WASL: variants seen among roughly 807,000 people sequenced by gnomAD.
WASL encodes actin nucleation-promoting factor WASL.
Under a neutral mutation model 55.5 loss-of-function variants are expected in WASL, and 20 were observed. That is an observed-to-expected ratio of 0.36 (90% CI 0.25 to 0.52). WASL has a LOEUF of 0.52. Among genes scored for constraint, WASL ranks in the 20% least tolerant of loss-of-function variants. WASL has a pLI of 0.92. For synonymous variants in WASL, 249 were observed against 217.6 expected, an observed-to-expected ratio of 1.14 and a Z score of -1.27; for missense variants, 504 against 622.5, an observed-to-expected ratio of 0.81 and a Z score of 2.03.
chr7:123,717,705 G>GT (rs2116800142), intron 1 of WASL, among the ~76,000 whole-genome samples: 1 of 152,312 alleles, frequency 6.6e-6, no homozygotes, highest in South Asian at 2.1e-4. Flanking sequence ...TACATTACTA[G>GT]TAACTGGTTT....
At chr7:123,732,207 G>A (rs887667420) in intron 1 of WASL, among the ~76,000 whole-genome samples, 6 of 152,122 alleles carry the variant, frequency 3.9e-5, no homozygotes, top group Non-Finnish European at 8.8e-5. Flanking sequence ...GCGGACGCCT[G>A]TAGTCCCGGC....
intron 1 of WASL, among the ~76,000 whole-genome samples, chr7:123,723,200 C>T (rs192582186): frequency 1.1e-3 from 164 of 152,266 alleles, no homozygotes; most frequent in African/African-American, 3.8e-3. Flanking sequence ...ATCATTGCAA[C>T]ATTTCTAATC....
At chr7:123,708,733 A>G (rs1376646343) in intron 2 of WASL, among the ~76,000 whole-genome samples, 1 of 152,104 alleles carries the variant, frequency 6.6e-6, no homozygotes, top group African/African-American at 2.4e-5. Flanking sequence ...TTACCTGAAC[A>G]GACTATCTAC....
At chr7:123,700,917 A>T (rs978246611) in intron 5 of WASL, among the ~76,000 whole-genome samples, 2 of 152,240 alleles carry the variant, frequency 1.3e-5, no homozygotes, top group African/African-American at 4.8e-5. Context: ...TTTAGAAAAA[A>T]ATGGATTTCT....
chr7:123,721,645 G>C (rs1368243931), intron 1 of WASL, among the ~76,000 whole-genome samples: 125 of 152,170 alleles, frequency 8.2e-4, no homozygotes, highest in Non-Finnish European at 4.4e-5. Context: ...GAGACTTAAG[G>C]CTGGGTGTGG....
intron 5 of WASL, among the ~76,000 whole-genome samples, chr7:123,701,875 T>C (rs1321619204): frequency 6.6e-6 from 1 of 151,902 alleles, no homozygotes; most frequent in Non-Finnish European, 1.5e-5. Flanking sequence ...TTCCATATTA[T>C]ATGTATATTT....
At chr7:123,707,295 T>TCAAAC (rs1803686590) in intron 2 of WASL, among the ~76,000 whole-genome samples, 1 of 152,048 alleles carries the variant, frequency 6.6e-6, no homozygotes, top group South Asian at 2.1e-4. Context: ...TGTGGGAGGG[T>TCAAAC]CAAATATACC....
At chr7:123,706,421 A>T in intron 3 of WASL, 48 bp from the exon 4 acceptor site, 1 of 1,520,580 alleles carries the variant, frequency 6.6e-7, no homozygotes, top group Non-Finnish European at 9.0e-7. Context: ...GTATGAATTT[A>T]GCTTTATATC....
chr7:123,704,820 A>G (rs1293419882), intron 4 of WASL, among the ~76,000 whole-genome samples, 163 bp from the exon 5 acceptor site: 1 of 152,170 alleles, frequency 6.6e-6, no homozygotes, highest in Non-Finnish European at 1.5e-5. Context: ...AAATAAAATA[A>G]GTAAGGGAAC....
At chr7:123,698,741 T>C (rs1224869804) in intron 5 of WASL, among the ~76,000 whole-genome samples, 2 of 152,104 alleles carry the variant, frequency 1.3e-5, no homozygotes. Context: ...TAAGTAAAGG[T>C]GAGTTAAGCA....
intron 1 of WASL, among the ~76,000 whole-genome samples, chr7:123,732,957 G>A (rs767830001): frequency 1.3e-5 from 2 of 151,962 alleles, no homozygotes; most frequent in Non-Finnish European, 2.9e-5. Context: ...AACAGATACA[G>A]TAAAAGCATA....
At chr7:123,701,683 G>GTCCAGGGGCCCA (rs1803592661) in intron 5 of WASL, among the ~76,000 whole-genome samples, 1 of 152,192 alleles carries the variant, frequency 6.6e-6, no homozygotes, top group Non-Finnish European at 1.5e-5. Context: ...GGAGGACATG[G>GTCCAGGGGCCCA]TCCAGGGGCC....
rs940508607 is a variant in WASL, at chr7:123,704,649, G to A, written c.445C>T (p.Arg149Ter). The A allele has an allele frequency of 6.7e-7, 1 of 1,493,050 alleles. No homozygotes were observed. The allele number at this position is 1,493,050 out of a possible 1,614,324, so 92.5% of individuals were successfully genotyped here. The change falls in exon 5 of 11, where the codon CGA becomes TGA. Residue 149 changes from arginine (R) to a stop codon, truncating the protein, a stop_gained. Transcript: ENST00000223023. LOFTEE classifies it high-confidence loss of function. Reference protein sequence around the residue: ...GRRQRKSEKRRDPPNGPNLPM... With the variant: ...GRRQRKSEKR Reference sequence around the variant, plus strand: ...AAAAGCTTACCATTTGGGGGATCTCGTCTTTTCTCTGTTAGAAAATAAATT... The same window carrying A: ...AAAAGCTTACCATTTGGGGGATCTCATCTTTTCTCTGTTAGAAAATAAATT...
At chr7:123,733,632 T>C (rs1236604483) in intron 1 of WASL, among the ~76,000 whole-genome samples, 5 of 151,972 alleles carry the variant, frequency 3.3e-5, no homozygotes, top group Middle Eastern at 3.4e-3. Context: ...CGGAAAGATA[T>C]GGAAAGGAAA....
intron 10 of WASL, among the ~76,000 whole-genome samples, chr7:123,685,990 G>T (rs10215466): frequency 0.46 from 68,280 of 149,498 alleles, 15,845 homozygotes; most frequent in South Asian, 0.66. Context: ...AGTAAGACTA[G>T]GTGACATACG....
chr7:123,731,911 T>C (rs545695930), intron 1 of WASL, among the ~76,000 whole-genome samples: 2 of 152,060 alleles, frequency 1.3e-5, no homozygotes, highest in African/African-American at 2.4e-5. Context: ...AAAAGAATTA[T>C]AGCAGAAATC....
intron 1 of WASL, among the ~76,000 whole-genome samples, chr7:123,718,607 C>G (rs1803887187): frequency 6.6e-6 from 1 of 152,082 alleles, no homozygotes; most frequent in African/African-American, 2.4e-5. Context: ...GTGGTCTAGG[C>G]TGGTCTCCAA....
At chr7:123,725,123 T>A (rs368607892) in intron 1 of WASL, among the ~76,000 whole-genome samples, 2 of 152,230 alleles carry the variant, frequency 1.3e-5, no homozygotes, top group Admixed American at 6.5e-5. Flanking sequence ...ACAACAAGGC[T>A]GTAAGTCAGA....
chr7:123,711,835 T>C (rs1329254089), intron 1 of WASL, among the ~76,000 whole-genome samples: 2 of 152,152 alleles, frequency 1.3e-5, no homozygotes, highest in Non-Finnish European at 2.9e-5. Context: ...CTATTTCTTA[T>C]TACCCTAATA....
Sources: allele counts gnomAD v4.1 joint callset (sites outside exome capture counted in the v4.1 genomes callset), GRCh38; gene constraint gnomAD v4.1.1; transcripts MANE v1.5; gene names NCBI Gene and HGNC (gene_info 2026-07-23, HGNC 2026-07-21).